TMEM51: variants seen among roughly 807,000 people sequenced by gnomAD.
The protein encoded by TMEM51 is transmembrane protein 51.
TMEM51 carries 8 observed loss-of-function variants against 13.6 expected under a neutral mutation model. The observed-to-expected ratio is 0.59, with a 90% CI of 0.35 to 1.07. TMEM51 has a LOEUF of 1.07. Among genes scored for constraint, TMEM51 ranks in the 50% least tolerant of loss-of-function variants. TMEM51 has a pLI of 0.02. For missense variants in TMEM51, 279 were observed against 330.7 expected (o/e 0.84, Z 1.21); for synonymous variants, 147 against 144.4 (o/e 1.02, Z -0.13).
chr1:15,177,733 T>C (rs1643493718), intron 1 of TMEM51, among the ~76,000 whole-genome samples: 1 of 152,204 alleles, frequency 6.6e-6, no homozygotes, highest in Non-Finnish European at 1.5e-5. Context: ...TTTGCACCCT[T>C]GTATGAAGCA....
At position 15,207,432 on chromosome 1, in the gene TMEM51, C is replaced by CA; in HGVS notation, c.-266-3058_-266-3057insA. On this transcript the variant is annotated intron_variant, in intron 1 of 3. Transcript: ENST00000376008. This position sits in a 1 kb window ranked among gnomAD's most constrained non-coding sequence, Gnocchi z 4.6. ...GCCATCAATGCTTGGGCCCTTTACC[C>CA]CGTTTCAGCCGGGGCAGCGCTGCTT... is the stretch of plus-strand genomic sequence containing the variant. Among the ~76,000 whole-genome samples, 1 of 152,364 alleles carries CA rather than the reference C, an allele frequency of 6.6e-6. No individual in the cohort carries two copies. The highest frequency in any genetic ancestry group is 2.1e-4 in the South Asian group (1 of 4,828).
chr1:15,202,490 G>A (rs1412124972), intron 1 of TMEM51, among the ~76,000 whole-genome samples: 2 of 152,176 alleles, frequency 1.3e-5, no homozygotes, highest in African/African-American at 2.4e-5. Context: ...ACATCACAAT[G>A]TGGGCAGGGC....
At chr1:15,168,936 T>C (rs932332634) in intron 1 of TMEM51, among the ~76,000 whole-genome samples, 1 of 152,210 alleles carries the variant, frequency 6.6e-6, no homozygotes, top group Admixed American at 6.5e-5. Context: ...TCTTAAGTCA[T>C]TTGATGCTCA....
At chr1:15,198,861 C>G (rs888432247) in intron 1 of TMEM51, among the ~76,000 whole-genome samples, 1 of 152,212 alleles carries the variant, frequency 6.6e-6, no homozygotes, top group Non-Finnish European at 1.5e-5. Context: ...CTGTGCCGGG[C>G]AGGTGACATC....
chr1:15,219,059 A>G (rs1041209698), intron 3 of TMEM51, among the ~76,000 whole-genome samples: 3 of 149,208 alleles, frequency 2.0e-5, no homozygotes, highest in African/African-American at 4.9e-5. Context: ...CTAAGCCCCA[A>G]TTTGGGGACT....
At chr1:15,157,854 A>G (rs1188874842) in intron 1 of TMEM51, among the ~76,000 whole-genome samples, 1 of 152,222 alleles carries the variant, frequency 6.6e-6, no homozygotes, top group East Asian at 1.9e-4. Flanking sequence ...TGCTCCTTGT[A>G]AAAACGAGCA....
intron 1 of TMEM51, among the ~76,000 whole-genome samples, chr1:15,198,121 A>T (rs1215695311): frequency 6.6e-6 from 1 of 152,122 alleles, no homozygotes; most frequent in Non-Finnish European, 1.5e-5. Flanking sequence ...CTCACATCCT[A>T]GTATGGCTGC....
At chr1:15,168,334 G>T (rs2100829833) in intron 1 of TMEM51, 2 of 773,322 alleles carry the variant, frequency 2.6e-6, no homozygotes, top group Non-Finnish European at 3.6e-6. Context: ...TTCTCAAAGG[G>T]GTCTGTGCAC....
intron 2 of TMEM51, among the ~76,000 whole-genome samples, chr1:15,211,678 T>C (rs533845148): frequency 6.6e-6 from 1 of 152,172 alleles, no homozygotes; most frequent in South Asian, 2.1e-4. Context: ...GGTCCCAAGC[T>C]CACTCTTAAC....
intron 1 of TMEM51, among the ~76,000 whole-genome samples, chr1:15,182,257 C>G (rs1643644020): frequency 6.6e-6 from 1 of 152,248 alleles, no homozygotes; most frequent in South Asian, 2.1e-4. Context: ...AGCATCCCTT[C>G]TGGAGTCAAA....
intron 2 of TMEM51, among the ~76,000 whole-genome samples, chr1:15,213,850 T>C (rs1447199763): frequency 6.7e-6 from 1 of 150,282 alleles, no homozygotes; most frequent in East Asian, 1.9e-4. Context: ...TCTGCAAACT[T>C]TTTTTTTTCG....
In TMEM51 at chr1:15,219,486, G is replaced by T. The variant is rs545905236; in HGVS notation, c.505G>T (p.Glu169Ter). ...CTATGAGTCACTGACGGGGCTCGAC[G>T]AGACCACCCCCACATCCACCAGGGC... ...PSYESLTGLD[E>*]TTPTSTRADV... Residue 169 changes from glutamate (E) to a stop codon, truncating the protein, a stop_gained, in exon 4 of 4, where the codon GAG becomes TAG. Coordinates refer to ENST00000376008, the MANE Select transcript of TMEM51 (RefSeq NM_001136218.2). LOFTEE classifies it high-confidence loss of function. 1 of 1,614,074 alleles carries T rather than the reference G, an allele frequency of 6.2e-7. No homozygotes were observed. The highest frequency in any genetic ancestry group is 8.5e-7 in the Non-Finnish European group (1 of 1,180,018).
rs188941524 is a variant in TMEM51 at position 15,216,045 on chromosome 1, C to A, written c.344+614C>A. 7.8e-3 allele frequency among the ~76,000 whole-genome samples: 1,167 copies of A among 150,252 alleles called. 17 individuals are homozygous for A. Among genetic ancestry groups the A allele is most frequent in the African/African-American group, 0.026 (1,053 of 40,916 alleles). ...AGACTCTGTCTCAAAAAAAAAAATACAAAAACAAAAAACTGTCTTTTGCAG... is the reference window on the plus strand; with the variant it reads ...AGACTCTGTCTCAAAAAAAAAAATAAAAAAACAAAAAACTGTCTTTTGCAG... On this transcript the variant is annotated intron_variant, in intron 3 of 3. Transcript: ENST00000376008.
chr1:15,171,209 A>G, intron 1 of TMEM51: 1 of 1,300,690 alleles, frequency 7.7e-7, no homozygotes, highest in African/African-American at 1.5e-5. Flanking sequence ...GATGCTGTTG[A>G]TTTGGGGCCA....
chr1:15,199,855 T>C (rs1006509222), intron 1 of TMEM51, among the ~76,000 whole-genome samples: 7 of 152,154 alleles, frequency 4.6e-5, no homozygotes, highest in African/African-American at 1.7e-4. Flanking sequence ...TCCTGTGAGC[T>C]GTTGTGCCCT....
intron 1 of TMEM51, chr1:15,191,832 C>G (rs147903116): frequency 2.1e-6 from 1 of 479,352 alleles, no homozygotes; most frequent in Non-Finnish European, 4.3e-6. Flanking sequence ...GTGGCCAAAC[C>G]AGTGCCAGCT....
Position 15,170,557 on chromosome 1 carries a change from A to G in TMEM51, c.-267+16603A>G, listed in dbSNP as rs1488514175. On this transcript the variant is annotated intron_variant, in intron 1 of 3. Coordinates refer to ENST00000376008, the MANE Select transcript of TMEM51 (RefSeq NM_001136218.2). ...ACTCCCAGGCTCAAGTGATCTGCCC[A>G]CCTCAGGCTCCCAAAGTGCTGGGAT... Among the ~76,000 whole-genome samples the G allele has an allele frequency of 2.0e-5, 3 of 151,642 alleles. No individual in the cohort carries two copies. The East Asian group carries it at 5.8e-4, about 30-fold the overall frequency.
intron 1 of TMEM51, among the ~76,000 whole-genome samples, chr1:15,158,356 A>G (rs1257773830): frequency 6.6e-6 from 1 of 152,194 alleles, no homozygotes; most frequent in Non-Finnish European, 1.5e-5. Flanking sequence ...TAGAAATGGA[A>G]GCCACGGGCC....
At chr1:15,189,834 G>A (rs76674210) in intron 1 of TMEM51, among the ~76,000 whole-genome samples, 3,923 of 152,340 alleles carry the variant, frequency 0.026, 179 homozygotes, top group African/African-American at 0.089. Context: ...AGAGGGCAAA[G>A]TTCCTGGACA....
Sources: gnomAD v4.1 joint callset for allele counts (sites outside exome capture counted in the v4.1 genomes callset) on GRCh38, gnomAD v4.1.1 for gene constraint, Gnocchi (gnomAD v3.1) non-coding constraint, MANE v1.5 for transcripts, NCBI Gene and HGNC (gene_info 2026-07-23, HGNC 2026-07-21) for gene names.